Variants in CCL19 observed in about 807,000 individuals in gnomAD.
The protein encoded by CCL19 is C-C motif chemokine 19.
A neutral mutation model predicts 9.7 loss-of-function variants in CCL19; 5 were observed. That is an observed-to-expected ratio of 0.51 (90% CI 0.27 to 1.08). The LOEUF (loss-of-function observed/expected upper bound fraction) is 1.08. Ranked by LOEUF, CCL19 falls within the 50% of genes least tolerant of loss-of-function variation. The pLI is 0.12. For missense variants in CCL19, 90 were observed against 122.5 expected (o/e 0.73, Z 1.25); for synonymous variants, 40 against 47.4 (o/e 0.84, Z 0.64).
In CCL19 at chr9:34,691,216, C is replaced by T; in HGVS notation, c.-77G>A. 2.2e-6 allele frequency: 3 copies of T among 1,358,036 alleles called. No homozygotes were observed. Among genetic ancestry groups the T allele is most frequent in the Non-Finnish European group, 3.1e-6 (3 of 962,376 alleles). 84.1% of individuals were successfully genotyped at this position (1,358,036 alleles called of 1,614,324 possible). On this transcript the variant is annotated 5_prime_UTR_variant, in exon 1 of 4. Coordinates refer to ENST00000311925, the MANE Select transcript of CCL19 (RefSeq NM_006274.3). ...GGGTGTGTGCAGGATCTGTGTGAGG[C>T]TGCAGGGCGACTGGGATGCAGGGGT...
Position 34,689,739 on chromosome 9 carries a change from T to C in CCL19, c.*80A>G. On this transcript the variant is annotated 3_prime_UTR_variant, in exon 4 of 4. Coordinates refer to ENST00000311925, the MANE Select transcript of CCL19 (RefSeq NM_006274.3). The surrounding 1 kb of genome is among the most constrained non-coding windows in gnomAD (Gnocchi z 4.1). ...AGGAGCTGGAAGCCTGGTCCTTCCT[T>C]CTGGTCCTCGGTTCCCCAGGTTAGG... 3 of 1,552,820 alleles carry C rather than the reference T, an allele frequency of 1.9e-6. No individual in the cohort carries two copies. The highest frequency in any genetic ancestry group is 2.7e-6 in the Non-Finnish European group (3 of 1,128,908).
chr9:34,689,896 G>A lies in CCL19; in HGVS notation c.276+34C>T. On this transcript the variant is annotated intron_variant, in intron 3 of 3. Coordinates refer to ENST00000311925, the MANE Select transcript of CCL19 (RefSeq NM_006274.3). The surrounding 1 kb of genome is among the most constrained non-coding windows in gnomAD (Gnocchi z 4.1). ...CTGGAATCTTAGACAGGAGCTCAGA[G>A]GGAGGAGACAGGGCCAGGGAGGGCC... The A allele has an allele frequency of 6.2e-7, 1 of 1,614,084 alleles. No homozygotes were observed. Among genetic ancestry groups the A allele is most frequent in the Non-Finnish European group, 8.5e-7 (1 of 1,179,928 alleles).
At chr9:34,691,052 C>T (rs750390270) in intron 1 of CCL19, 39 bp downstream of exon 1, 2 of 1,555,220 alleles carry the variant, frequency 1.3e-6, no homozygotes, top group Non-Finnish European at 1.7e-6. Flanking sequence ...ACTGCCAGCC[C>T]CCCACTGCCT....
At position 34,691,248 on chromosome 9, in the gene CCL19, C is replaced by G. The variant is rs1362086744; in HGVS notation, c.-109G>C. The stretch of plus-strand genomic sequence containing the variant: ...GCGACTGGGATGCAGGGGTGAAATG[C>G]AAGGTGTGAGTGATGTGAGGCTGGG... On this transcript the variant is annotated 5_prime_UTR_variant, in exon 1 of 4. Transcript: ENST00000311925. The G allele has an allele frequency of 1.1e-6, 1 of 898,458 alleles. No homozygotes were observed. The highest frequency in any genetic ancestry group is 2.7e-5 in the East Asian group (1 of 37,108). 55.7% of individuals were successfully genotyped at this position (898,458 alleles called of 1,614,324 possible).
At position 34,690,269 on chromosome 9, in the gene CCL19, G is replaced by A; in HGVS notation, c.123C>T (p.Tyr41=). 1 of 1,614,014 alleles carries A rather than the reference G, an allele frequency of 6.2e-7. No individual in the cohort carries two copies. The highest frequency in any genetic ancestry group is 8.5e-7 in the Non-Finnish European group (1 of 1,179,870). ...GAAGGTAGTGGAAGTTCCTCACGATGTACCCAGGGATGGGTTTCTGGGTCA... is the reference window on the plus strand; with the variant it reads ...GAAGGTAGTGGAAGTTCCTCACGATATACCCAGGGATGGGTTTCTGGGTCA... ...LSVTQKPIPG[Y]IVRNFHYLLI... The change falls in exon 2 of 4, where the codon TAC becomes TAT. Residue 41 remains tyrosine (Y), a synonymous_variant. Coordinates refer to ENST00000311925, the MANE Select transcript of CCL19 (RefSeq NM_006274.3).
In CCL19 at chr9:34,689,788, G is replaced by A. The variant is rs370509358; in HGVS notation, c.*31C>T. On this transcript the variant is annotated 3_prime_UTR_variant, in exon 4 of 4. Coordinates refer to ENST00000311925, the MANE Select transcript of CCL19 (RefSeq NM_006274.3). This position sits in a 1 kb window ranked among gnomAD's most constrained non-coding sequence, Gnocchi z 4.1. Reference sequence around the variant, plus strand: ...GGTAATAATTCACAATGCTTGACTCGGACTCCGGGCTCCCTCTGCACGGTC... The same window carrying A: ...GGTAATAATTCACAATGCTTGACTCAGACTCCGGGCTCCCTCTGCACGGTC... 2.9e-5 allele frequency: 47 copies of A among 1,613,586 alleles called. No individual in the cohort carries two copies. Among genetic ancestry groups the A allele is most frequent in the East Asian group, 2.7e-4 (12 of 44,874 alleles).
Position 34,690,115 on chromosome 9 carries a change from G to A in CCL19, c.183-92C>T, listed in dbSNP as rs375552834. 4.9e-5 allele frequency: 78 copies of A among 1,582,796 alleles called. No individual in the cohort carries two copies. The East Asian group carries it at 1.6e-3, about 33-fold the overall frequency. On this transcript the variant is annotated intron_variant, in intron 2 of 3. Coordinates refer to ENST00000311925, the MANE Select transcript of CCL19 (RefSeq NM_006274.3). ...CCTGTTTCAGGGATTTCCTTGAAGG[G>A]GTTGGGCTTGGCATGGAGAAGGGGA...
In CCL19 at chr9:34,690,039, G is replaced by T; in HGVS notation, c.183-16C>A. On this transcript the variant is annotated splice_polypyrimidine_tract_variant and intron_variant, in intron 2 of 3. Transcript: ENST00000311925. Reference sequence around the variant, plus strand: ...TGTGGTGAACCTGGGGTGAGAGGCCGGAGAGAATGGAGCCCCAGAATCCAG... The same window carrying T: ...TGTGGTGAACCTGGGGTGAGAGGCCTGAGAGAATGGAGCCCCAGAATCCAG... 7 of 1,611,360 alleles carry T rather than the reference G, an allele frequency of 4.3e-6. No homozygotes were observed. The highest frequency in any genetic ancestry group is 5.9e-6 in the Non-Finnish European group (7 of 1,177,978).
In CCL19 at chr9:34,689,728, T is replaced by C; in HGVS notation, c.*91A>G. 6.7e-7 allele frequency: 1 copy of C among 1,483,358 alleles called. No homozygotes were observed. The highest frequency in any genetic ancestry group is 9.4e-7 in the Non-Finnish European group (1 of 1,069,478). 91.9% of individuals were successfully genotyped at this position (1,483,358 alleles called of 1,614,324 possible). A position where few individuals can be genotyped will look rare whatever the true frequency, so the allele number is the denominator to read the frequency against. On this transcript the variant is annotated 3_prime_UTR_variant, in exon 4 of 4. Coordinates refer to ENST00000311925, the MANE Select transcript of CCL19 (RefSeq NM_006274.3). The surrounding 1 kb of genome is among the most constrained non-coding windows in gnomAD (Gnocchi z 4.1). ...GTCTGGTGCAGAGGAGCTGGAAGCC[T>C]GGTCCTTCCTTCTGGTCCTCGGTTC...
Position 34,690,146 on chromosome 9 carries a change from A to G in CCL19, c.182+64T>C, listed in dbSNP as rs987293622. The G allele has an allele frequency of 1.9e-6, 3 of 1,600,062 alleles. No homozygotes were observed. In the African/African-American group the frequency reaches 4.0e-5, roughly 21 times the overall value. On this transcript the variant is annotated intron_variant, in intron 2 of 3. Coordinates refer to ENST00000311925, the MANE Select transcript of CCL19 (RefSeq NM_006274.3). ...GCTTGGCATGGAGAAGGGGAATAAGAAGGTGGGAGTCTCAACAGGGGCTAA... is the reference window on the plus strand; with the variant it reads ...GCTTGGCATGGAGAAGGGGAATAAGGAGGTGGGAGTCTCAACAGGGGCTAA...
rs532907896 is a variant in CCL19, at chr9:34,690,278, G to T, written c.114C>A (p.Ile38=). 1.2e-6 allele frequency: 2 copies of T among 1,613,442 alleles called. No individual in the cohort carries two copies. The highest frequency in any genetic ancestry group is 1.7e-6 in the Non-Finnish European group (2 of 1,179,374). The stretch of plus-strand genomic sequence containing the variant: ...GGAAGTTCCTCACGATGTACCCAGG[G>T]ATGGGTTTCTGGGTCACAGACAGGC... ...DCCLSVTQKP[I]PGYIVRNFHY... is the part of the protein sequence containing the mutation. The change falls in exon 2 of 4, where the codon ATC becomes ATA. Residue 38 remains isoleucine (I), a synonymous_variant. Coordinates refer to ENST00000311925, the MANE Select transcript of CCL19 (RefSeq NM_006274.3).
At position 34,690,424 on chromosome 9, in the gene CCL19, C is replaced by CTGTGTGTGTGTGTGTG. The variant is rs74180568; in HGVS notation, c.50-98_50-83dup. ...TGGCCCTAGCTCGGATTGAGGACAC[C>CTGTGTGTGTGTGTGTG]TGTGTGTGTGTGTGTGTGTGTGTGT... On this transcript the variant is annotated intron_variant, in intron 1 of 3. Transcript: ENST00000311925. 2.2e-3 allele frequency: 1,320 copies of CTGTGTGTGTGTGTGTG among 608,276 alleles called. 5 individuals are homozygous for CTGTGTGTGTGTGTGTG. Among genetic ancestry groups the CTGTGTGTGTGTGTGTG allele is most frequent in the Non-Finnish European group, 2.6e-3 (960 of 364,026 alleles). 37.7% of individuals were successfully genotyped at this position (608,276 alleles called of 1,614,324 possible). A position where few individuals can be genotyped will look rare whatever the true frequency, so the allele number is the denominator to read the frequency against.
rs779033374 is a variant in CCL19, at chr9:34,690,023, C to T, written c.183G>A (p.Val61=). Residue 61 remains valine (V), a splice_region_variant and synonymous_variant, in exon 3 of 4, where the codon GTG becomes GTA. Transcript: ENST00000311925. ...GCTGGCGGCCCCTCAGTGTGGTGAA[C>T]CTGGGGTGAGAGGCCGGAGAGAATG... ...IKDGCRVPAV[V]FTTLRGRQLC... The T allele has an allele frequency of 4.3e-6, 7 of 1,613,668 alleles. No individual in the cohort carries two copies. Among genetic ancestry groups the T allele is most frequent in the African/African-American group, 2.7e-5 (2 of 74,880 alleles).
In CCL19 at chr9:34,691,113, C is replaced by A. The variant is rs1821787453; in HGVS notation, c.27G>T (p.Leu9=). MALLLALS[L]LVLWTSPAPT... ...TACCTGGGGAAGTCCAGAGAACCAGCAGGCTGAGGGCCAGTAGCAGGGCCA... is the reference window on the plus strand; with the variant it reads ...TACCTGGGGAAGTCCAGAGAACCAGAAGGCTGAGGGCCAGTAGCAGGGCCA... Residue 9 remains leucine (L), a synonymous_variant, in exon 1 of 4, where the codon CTG becomes CTT. Transcript: ENST00000311925. The A allele has an allele frequency of 3.1e-6, 5 of 1,612,824 alleles. No individual in the cohort carries two copies. The highest frequency in any genetic ancestry group is 3.3e-4 in the Middle Eastern group (2 of 6,058).
chr9:34,689,950 G>C lies in CCL19; in HGVS notation c.256C>G (p.Leu86Val), dbSNP rs572620981. ...QPWVERIIQR[L>V]QRTSAKMKRR... ...CTTGCCTTGGCTGAGGTCCTCTGCA[G>C]TCTCTGGATGATGCGTTCTACCCAG... The change falls in exon 3 of 4, where the codon CTG (leucine) becomes GTG (valine). Residue 86 changes from leucine (L) to valine (V), a missense_variant. Leu to Val is a conservative substitution (Grantham distance 32, BLOSUM62 1). Transcript: ENST00000311925. The surrounding 1 kb of genome is among the most constrained non-coding windows in gnomAD (Gnocchi z 4.1). The C allele has an allele frequency of 1.9e-6, 3 of 1,614,148 alleles. No individual in the cohort carries two copies. Among genetic ancestry groups the C allele is most frequent in the East Asian group, 2.2e-5 (1 of 44,874 alleles).
intron 1 of CCL19, 85 bp from the exon 2 acceptor site, chr9:34,690,427 T>TGG (rs1821780832): frequency 2.5e-6 from 1 of 397,546 alleles, no homozygotes; most frequent in Non-Finnish European, 4.3e-6. Context: ...AGGACACCTG[T>TGG]GTGTGTGTGT....
rs376084693 is a variant in CCL19 at position 34,691,179 on chromosome 9, C to T, written c.-40G>A. 194 of 1,598,356 alleles carry T rather than the reference C, an allele frequency of 1.2e-4. No individual in the cohort carries two copies. The highest frequency in any genetic ancestry group is 1.6e-4 in the Non-Finnish European group (183 of 1,167,864). ...GGCAGGCCAACGGTGAATGTGTGAG[C>T]GCCAGCTGTCTGGGTGTGTGCAGGA... On this transcript the variant is annotated 5_prime_UTR_variant, in exon 1 of 4. Transcript: ENST00000311925.
rs1041615506 is a variant in CCL19 at position 34,690,266 on chromosome 9, G to A, written c.126C>T (p.Ile42=). The A allele has an allele frequency of 1.9e-6, 3 of 1,614,066 alleles. No homozygotes were observed. The highest frequency in any genetic ancestry group is 8.5e-7 in the Non-Finnish European group (1 of 1,179,952). Residue 42 remains isoleucine (I), a synonymous_variant, in exon 2 of 4, where the codon ATC becomes ATT. Transcript: ENST00000311925. ...TGAGAAGGTAGTGGAAGTTCCTCAC[G>A]ATGTACCCAGGGATGGGTTTCTGGG... ...SVTQKPIPGY[I]VRNFHYLLIK...
At chr9:34,690,128 A>G (rs1179521843) in intron 2 of CCL19, 82 bp downstream of exon 2, 1 of 1,592,002 alleles carries the variant, frequency 6.3e-7, no homozygotes, top group East Asian at 2.2e-5. Context: ...TGGGCTTGGC[A>G]TGGAGAAGGG....
Sources: allele counts gnomAD v4.1 joint callset, GRCh38; gene constraint gnomAD v4.1.1; non-coding constraint Gnocchi (gnomAD v3.1); transcripts MANE v1.5; gene names NCBI Gene and HGNC (gene_info 2026-07-23, HGNC 2026-07-21).